SNAP25: variants seen among roughly 807,000 people sequenced by gnomAD.
The protein encoded by SNAP25 is synaptosome associated protein 25.
SNAP25 carries 3 observed loss-of-function variants against 28.7 expected under a neutral mutation model. The ratio of observed to expected loss-of-function variants is 0.10; its 90% CI spans 0.05 to 0.27. The LOEUF (loss-of-function observed/expected upper bound fraction) is 0.27. Among genes scored for constraint, SNAP25 ranks in the 10% least tolerant of loss-of-function variants. The pLI is 1.00. For missense variants in SNAP25, 117 were observed against 278.7 expected, an observed-to-expected ratio of 0.42 and a Z score of 4.13; for synonymous variants, 61 against 88.1, an observed-to-expected ratio of 0.69 and a Z score of 1.72.
chr20:10,284,907 A>G (rs574271333), intron 4 of SNAP25, 135 bp downstream of exon 4: 238 of 684,806 alleles, frequency 3.5e-4, no homozygotes, highest in Middle Eastern at 2.8e-3. Context: ...TAGATTTTTC[A>G]TCTTGCTTTT....
chr20:10,228,763 C>T (rs530801018), intron 1 of SNAP25, among the ~76,000 whole-genome samples: 2 of 152,126 alleles, frequency 1.3e-5, no homozygotes, highest in Non-Finnish European at 2.9e-5. Context: ...GAGGAAGGGA[C>T]TGTTGTTATG....
At chr20:10,299,137 G>A in intron 6 of SNAP25, 131 bp from the exon 7 acceptor site, 2 of 1,033,028 alleles carry the variant, frequency 1.9e-6, no homozygotes, top group South Asian at 1.8e-5. Context: ...ATGTGTTTTT[G>A]TACTGGATGG....
At chr20:10,263,213 G>T (rs1012065357) in intron 1 of SNAP25, among the ~76,000 whole-genome samples, 21 of 151,868 alleles carry the variant, frequency 1.4e-4, no homozygotes, top group African/African-American at 4.8e-4. Context: ...TAGAGACGGG[G>T]TTTCACTGGC....
At chr20:10,296,633 T>C (rs1003674810) in intron 5 of SNAP25, 1 of 391,948 alleles carries the variant, frequency 2.6e-6, no homozygotes, top group Non-Finnish European at 4.7e-6. Context: ...TCCAGCTACC[T>C]TAATCCTTGT....
chr20:10,226,665 CA>C (rs145022154), intron 1 of SNAP25, among the ~76,000 whole-genome samples: 229 of 152,190 alleles, frequency 1.5e-3, no homozygotes, highest in African/African-American at 5.4e-3. Flanking sequence ...TCAAAATATA[CA>C]ATCTATTGAA....
chr20:10,296,621 C>T (rs752335816), intron 5 of SNAP25: 2 of 339,844 alleles, frequency 5.9e-6, no homozygotes, highest in Non-Finnish European at 1.1e-5. Flanking sequence ...AATTAAATGT[C>T]CTCCAGCTAC....
chr20:10,258,365 T>C lies in SNAP25; in HGVS notation c.-63-17064T>C, dbSNP rs948569378. Among the ~76,000 whole-genome samples the C allele has an allele frequency of 4.6e-5, 7 of 152,348 alleles. No individual in the cohort carries two copies. The East Asian group carries it at 1.2e-3, about 25-fold the overall frequency. ...AAATCTTCATCACATACTCCTTCTATATTTTTATGAGACTCATGTTTTTAA... is the reference window on the plus strand; with the variant it reads ...AAATCTTCATCACATACTCCTTCTACATTTTTATGAGACTCATGTTTTTAA... On this transcript the variant is annotated intron_variant, in intron 1 of 7. Coordinates refer to ENST00000254976, the MANE Select transcript of SNAP25 (RefSeq NM_130811.4).
intron 4 of SNAP25, chr20:10,292,851 T>C (rs567570185): frequency 1.4e-6 from 2 of 1,480,102 alleles, no homozygotes; most frequent in South Asian, 2.5e-5. Context: ...AAAAAATTCA[T>C]TCCACACTGT....
At chr20:10,301,701 T>A (rs1693447115) in intron 7 of SNAP25, among the ~76,000 whole-genome samples, 1 of 151,970 alleles carries the variant, frequency 6.6e-6, no homozygotes, top group Non-Finnish European at 1.5e-5. Flanking sequence ...TCTTTTCTCA[T>A]CACTTGGATC....
At chr20:10,227,337 T>A (rs2062750490) in intron 1 of SNAP25, among the ~76,000 whole-genome samples, 2 of 152,088 alleles carry the variant, frequency 1.3e-5, no homozygotes, top group Admixed American at 6.5e-5. Context: ...TCTTTGAATC[T>A]TCAGTACCTA....
intron 7 of SNAP25, among the ~76,000 whole-genome samples, chr20:10,301,973 A>G (rs566243426): frequency 6.6e-6 from 1 of 150,704 alleles, no homozygotes; most frequent in South Asian, 2.1e-4. Flanking sequence ...GGTTAAAAAC[A>G]TAATTTTTTC....
chr20:10,274,220 G>A (rs905478558), intron 1 of SNAP25, among the ~76,000 whole-genome samples: 3 of 152,154 alleles, frequency 2.0e-5, no homozygotes, highest in African/African-American at 7.2e-5. Flanking sequence ...TTTCAAGAGA[G>A]TAGCCAAGAA....
intron 1 of SNAP25, among the ~76,000 whole-genome samples, chr20:10,224,213 A>G (rs945471393): frequency 2.3e-5 from 3 of 130,502 alleles, no homozygotes; most frequent in African/African-American, 9.3e-5. Flanking sequence ...TGCATCATCC[A>G]TATTTTTCAT....
intron 1 of SNAP25, among the ~76,000 whole-genome samples, chr20:10,229,651 G>A: frequency 6.6e-6 from 1 of 152,070 alleles, no homozygotes; most frequent in Non-Finnish European, 1.5e-5. Flanking sequence ...TATTTTTTGA[G>A]CATCTACTAT....
At chr20:10,285,708 T>C (rs2063863621) in intron 4 of SNAP25, among the ~76,000 whole-genome samples, 1 of 151,874 alleles carries the variant, frequency 6.6e-6, no homozygotes, top group African/African-American at 2.4e-5. Flanking sequence ...GCCTGACAGA[T>C]AACAGAGAGA....
chr20:10,272,089 T>C (rs556389322), intron 1 of SNAP25, among the ~76,000 whole-genome samples: 82 of 152,296 alleles, frequency 5.4e-4, no homozygotes, highest in African/African-American at 1.9e-3. Flanking sequence ...CAGCAACATG[T>C]CTTGTGCCTA....
At chr20:10,240,892 T>G (rs1293119949) in intron 1 of SNAP25, among the ~76,000 whole-genome samples, 3 of 152,104 alleles carry the variant, frequency 2.0e-5, no homozygotes, top group Admixed American at 6.5e-5. Context: ...ATTAGCGACC[T>G]GGGGAGTGAT....
intron 1 of SNAP25, among the ~76,000 whole-genome samples, chr20:10,221,405 C>T (rs2062631450): frequency 6.6e-6 from 1 of 152,054 alleles, no homozygotes; most frequent in Non-Finnish European, 1.5e-5. Context: ...ACATTTATAT[C>T]ATTGACAAGC....
chr20:10,280,181 C>T (rs147433874), intron 3 of SNAP25, among the ~76,000 whole-genome samples: 6 of 152,248 alleles, frequency 3.9e-5, no homozygotes, highest in Non-Finnish European at 5.9e-5. Context: ...AATCTCTCAG[C>T]GGAATATACA....
Sources: allele counts gnomAD v4.1 joint callset (sites outside exome capture counted in the v4.1 genomes callset), GRCh38; gene constraint gnomAD v4.1.1; transcripts MANE v1.5; gene names NCBI Gene and HGNC (gene_info 2026-07-23, HGNC 2026-07-21).